The following MCM5 variants were observed in gnomAD, a reference collection of about 807,000 sequenced individuals.
The protein encoded by MCM5 is minichromosome maintenance complex component 5, also known as DNA replication licensing factor MCM5.
A neutral mutation model predicts 79.9 loss-of-function variants in MCM5; 46 were observed. That is an observed-to-expected ratio of 0.58 (90% CI 0.45 to 0.74). The LOEUF is 0.74. MCM5 is among the 30% of genes least tolerant of loss of function. The probability of loss-of-function intolerance (pLI) is 0.00; values close to 1 mark genes in which losing one functional copy is unlikely to be tolerated. For synonymous variants in MCM5, 404 were observed against 390.5 expected (o/e 1.03, Z -0.41); for missense variants, 883 against 1,017.0 (o/e 0.87, Z 1.79).
chr22:35,418,120 G>T (rs2071738), intron 13 of MCM5, among the ~76,000 whole-genome samples: 44,316 of 152,040 alleles, frequency 0.29, 7,024 homozygotes, highest in Middle Eastern at 0.38. Context: ...ATGCAGGGAG[G>T]CAGTGAAGTG....
the MCM5 span, among the ~76,000 whole-genome samples, chr22:35,449,335 C>G: frequency 6.6e-6 from 1 of 152,340 alleles, no homozygotes; most frequent in East Asian, 1.9e-4. Context: ...GACAGAGGCC[C>G]AGGCTCCTTG....
chr22:35,447,634 G>A, the MCM5 span, among the ~76,000 whole-genome samples: 4 of 152,020 alleles, frequency 2.6e-5, no homozygotes, highest in Non-Finnish European at 5.9e-5. Context: ...CACCATGCCC[G>A]TAATCTATTT....
chr22:35,416,280 ACTGCTCC>A, intron 10 of MCM5, 52 bp from the exon 11 acceptor site: 1 of 1,527,890 alleles, frequency 6.5e-7, no homozygotes, highest in Non-Finnish European at 9.1e-7. Context: ...TCCTGTTTCT[ACTGCTCC>A]CTGCTCCCTC....
intron 16 of MCM5, 171 bp downstream of exon 16, chr22:35,423,512 C>G (rs543981002): frequency 1.6e-6 from 1 of 609,482 alleles, no homozygotes; most frequent in African/African-American, 1.9e-5. Context: ...TCCCTAGGGA[C>G]ATCTTCATCA....
At chr22:35,447,536 G>A in the MCM5 span, among the ~76,000 whole-genome samples, 8 of 152,094 alleles carry the variant, frequency 5.3e-5, no homozygotes, top group Admixed American at 4.6e-4. Flanking sequence ...GCAGTGGCAC[G>A]ATCTTGGCTC....
At chr22:35,405,010 C>G (rs1055985006) in intron 4 of MCM5, among the ~76,000 whole-genome samples, 2 of 147,986 alleles carry the variant, frequency 1.4e-5, no homozygotes, top group African/African-American at 5.0e-5. Flanking sequence ...TAATTAGCAA[C>G]TAGAGGCCAA....
the MCM5 span, among the ~76,000 whole-genome samples, chr22:35,451,239 A>C: frequency 6.6e-6 from 1 of 151,974 alleles, no homozygotes; most frequent in Non-Finnish European, 1.5e-5. Flanking sequence ...TAAGTTTCCA[A>C]TTGAAGCAAA....
At chr22:35,405,187 G>A (rs1026574570) in intron 4 of MCM5, among the ~76,000 whole-genome samples, 5 of 151,750 alleles carry the variant, frequency 3.3e-5, no homozygotes, top group South Asian at 2.1e-4. Context: ...CACCACGCCC[G>A]GCTAATTTTT....
chr22:35,403,495 G>A lies in MCM5; in HGVS notation c.376G>A (p.Val126Ile). 6.2e-7 allele frequency: 1 copy of A among 1,614,170 alleles called. No individual in the cohort carries two copies. The highest frequency in any genetic ancestry group is 8.5e-7 in the Non-Finnish European group (1 of 1,180,030). ...GGAGGAGGTGCTCCAGGACATCCAG[G>A]TCATGCTCAAGTCGGACGCCAGCCC... ...SGEEVLQDIQVMLKSDASPSS... is the reference protein window; with the variant it reads ...SGEEVLQDIQIMLKSDASPSS... Residue 126 changes from valine to isoleucine, a missense_variant, in exon 4 of 17, where the codon GTC becomes ATC. Val to Ile is a conservative substitution (Grantham distance 29, BLOSUM62 3). Transcript: ENST00000216122.
intron 5 of MCM5, among the ~76,000 whole-genome samples, chr22:35,407,008 A>G (rs1282135511): frequency 6.6e-6 from 1 of 152,150 alleles, no homozygotes; most frequent in Non-Finnish European, 1.5e-5. Context: ...TAATGAGTCT[A>G]CTTGGAATCT....
At position 35,415,834 on chromosome 22, in the gene MCM5, C is replaced by T. The variant is rs566142272; in HGVS notation, c.1209C>T (p.Tyr403=). 1.8e-5 allele frequency: 29 copies of T among 1,612,810 alleles called. No homozygotes were observed. In the South Asian group the frequency reaches 2.7e-4, roughly 15 times the overall value. The change falls in exon 10 of 17, where the codon TAC becomes TAT. Residue 403 remains tyrosine (Y), a synonymous_variant. Coordinates refer to ENST00000216122, the MANE Select transcript of MCM5 (RefSeq NM_006739.4). ...FVEKCSPIGV[Y]TSGKGSSAAG... ...ACACCACCCCACTGCCCCAGGTATACACGTCTGGGAAAGGCAGCAGCGCAG... is the reference window on the plus strand; with the variant it reads ...ACACCACCCCACTGCCCCAGGTATATACGTCTGGGAAAGGCAGCAGCGCAG...
the MCM5 span, among the ~76,000 whole-genome samples, chr22:35,430,960 G>A: frequency 6.6e-6 from 1 of 152,202 alleles, no homozygotes; most frequent in Non-Finnish European, 1.5e-5. Flanking sequence ...CTCTCCAGCT[G>A]TCCCAGGGGT....
At chr22:35,418,981 C>T (rs898393441) in intron 13 of MCM5, among the ~76,000 whole-genome samples, 14 of 152,190 alleles carry the variant, frequency 9.2e-5, no homozygotes, top group South Asian at 2.1e-4. Context: ...TGTCGTACAG[C>T]GCTTTGGTGA....
chr22:35,412,429 G>A, intron 7 of MCM5, 81 bp from the exon 8 acceptor site: 1 of 1,240,944 alleles, frequency 8.1e-7, no homozygotes, highest in East Asian at 2.7e-5. Flanking sequence ...CTTCTGGGAG[G>A]TCCCTGAGCT....
chr22:35,424,142 G>A lies in MCM5; in HGVS notation c.2104-12G>A. ...GCAGCACGTGCCGTTAGCCAGCCAT[G>A]TGCTCCCACAGAAATACCCGGAGCA... On this transcript the variant is annotated splice_polypyrimidine_tract_variant and intron_variant, in intron 16 of 16. Coordinates refer to ENST00000216122, the MANE Select transcript of MCM5 (RefSeq NM_006739.4). The A allele has an allele frequency of 6.5e-7, 1 of 1,540,742 alleles. No individual in the cohort carries two copies. The highest frequency in any genetic ancestry group is 8.8e-7 in the Non-Finnish European group (1 of 1,138,402).
intron 2 of MCM5, chr22:35,401,639 C>T (rs918397726): frequency 8.5e-6 from 4 of 471,030 alleles, no homozygotes; most frequent in African/African-American, 8.0e-5. Flanking sequence ...TGGGTAAAGC[C>T]ATTCCTGCTT....
In MCM5 at chr22:35,400,228, G is replaced by C. The variant is rs548755681; in HGVS notation, c.-9+20G>C. The C allele has an allele frequency of 3.4e-6, 2 of 592,486 alleles. No homozygotes were observed. Among genetic ancestry groups the C allele is most frequent in the South Asian group, 3.8e-5 (2 of 52,364 alleles). The allele number at this position is 592,486 out of a possible 1,614,324, so 36.7% of individuals were successfully genotyped here. On this transcript the variant is annotated intron_variant, in intron 1 of 16. Coordinates refer to ENST00000216122, the MANE Select transcript of MCM5 (RefSeq NM_006739.4). The stretch of plus-strand genomic sequence containing the variant: ...CCAGAGGTGAGGCTAGTGGGAGTGG[G>C]ACTGGGACTGGGAGCCAGCAGGCAT...
chr22:35,414,328 G>A (rs1932476170), intron 9 of MCM5, among the ~76,000 whole-genome samples: 1 of 152,136 alleles, frequency 6.6e-6, no homozygotes, highest in Admixed American at 6.5e-5. Context: ...ATCATTAATA[G>A]CTAAAATCTG....
intron 14 of MCM5, 44 bp from the exon 15 acceptor site, chr22:35,421,274 A>G (rs1486541558): frequency 6.3e-7 from 1 of 1,590,106 alleles, no homozygotes; most frequent in East Asian, 2.3e-5. Flanking sequence ...GGAGGAAGGG[A>G]ATAGCGGACC....
Sources: gnomAD v4.1 joint callset for allele counts (sites outside exome capture counted in the v4.1 genomes callset) on GRCh38, gnomAD v4.1.1 for gene constraint, MANE v1.5 for transcripts, NCBI Gene and HGNC (gene_info 2026-07-23, HGNC 2026-07-21) for gene names.